The following RABL3 variants were observed in gnomAD, a reference collection of about 807,000 sequenced individuals.
RABL3 encodes the protein RAB, member of RAS oncogene family like 3.
A neutral mutation model predicts 31.8 loss-of-function variants in RABL3; 31 were observed. That is an observed-to-expected ratio of 0.97 (90% CI 0.73 to 1.31). RABL3 has a LOEUF of 1.31. RABL3 is among the 40% of genes most tolerant of loss of function. The pLI, the probability that RABL3 is intolerant of heterozygous loss-of-function variation, is 0.00. For synonymous variants in RABL3, 97 were observed against 99.9 expected (o/e 0.97, Z 0.18); for missense variants, 263 against 279.6 (o/e 0.94, Z 0.42).
chr3:120,736,566 C>G (rs959385881), intron 1 of RABL3, among the ~76,000 whole-genome samples: 6 of 152,264 alleles, frequency 3.9e-5, no homozygotes, highest in Admixed American at 2.6e-4. Context: ...TGAATTTGAT[C>G]CTGTCATCAT....
At chr3:120,742,675 T>G (rs114707519), upstream of RABL3, 4 of 669,656 alleles carry the variant, frequency 6.0e-6, no homozygotes, top group East Asian at 2.8e-5. Context: ...AGCGGGGTGC[T>G]TCCCCAGCTG....
chr3:120,691,999 A>G (rs1364401123), intron 6 of RABL3, among the ~76,000 whole-genome samples: 1 of 152,192 alleles, frequency 6.6e-6, no homozygotes, highest in Non-Finnish European at 1.5e-5. Context: ...GCAAAGTTGC[A>G]TTCACTTACC....
Position 120,698,420 on chromosome 3 carries a change from T to C in RABL3, c.534+3A>G. 4 of 1,611,932 alleles carry C rather than the reference T, an allele frequency of 2.5e-6. No individual in the cohort carries two copies. The highest frequency in any genetic ancestry group is 3.4e-6 in the Non-Finnish European group (4 of 1,179,072). ...ACAAGCATGCATTAGTGAAAATACATACCAAATTAATTTCTTCTGGATTGA... is the reference window on the plus strand; with the variant it reads ...ACAAGCATGCATTAGTGAAAATACACACCAAATTAATTTCTTCTGGATTGA... On this transcript the variant is annotated splice_donor_region_variant and intron_variant, in intron 5 of 7. Transcript: ENST00000273375.
intron 4 of RABL3, among the ~76,000 whole-genome samples, chr3:120,700,762 A>G (rs1419067435): frequency 2.0e-5 from 3 of 152,090 alleles, no homozygotes; most frequent in Non-Finnish European, 4.4e-5. Context: ...GAAGATAGAA[A>G]GTGGGTAGAG....
intron 2 of RABL3, among the ~76,000 whole-genome samples, chr3:120,712,286 G>A (rs1422872994): frequency 6.6e-6 from 1 of 152,006 alleles, no homozygotes; most frequent in Non-Finnish European, 1.5e-5. Flanking sequence ...AGCAGTTGAG[G>A]ACCATTTGGG....
rs530289907 is a variant in RABL3, at chr3:120,694,687, T to C, written c.535-463A>G. 3.0e-4 allele frequency among the ~76,000 whole-genome samples: 45 copies of C among 152,182 alleles called. 2 individuals carry two copies. In the South Asian group the frequency reaches 8.7e-3, roughly 29 times the overall value. ...CGGAGAAAGCAAGAAAATAAGGATT[T>C]AGAGGTGCAAAGAACAAACAGAACA... On this transcript the variant is annotated intron_variant, in intron 5 of 7. Transcript: ENST00000273375.
At chr3:120,714,073 G>C (rs532904077) in intron 2 of RABL3, among the ~76,000 whole-genome samples, 2 of 152,270 alleles carry the variant, frequency 1.3e-5, no homozygotes, top group East Asian at 3.9e-4. Context: ...GCCTCCCAAA[G>C]TGCTGGGATT....
In RABL3 at chr3:120,705,908, T is replaced by G. The variant is rs1210439573; in HGVS notation, c.383+92A>C. 5 of 798,712 alleles carry G rather than the reference T, an allele frequency of 6.3e-6. No individual in the cohort carries two copies. The East Asian group carries it at 1.2e-4, about 20-fold the overall frequency. 49.5% of individuals were successfully genotyped at this position (798,712 alleles called of 1,614,324 possible). A position where few individuals can be genotyped will look rare whatever the true frequency, so the allele number is the denominator to read the frequency against. On this transcript the variant is annotated intron_variant, in intron 4 of 7. Transcript: ENST00000273375. ...TAATCTATACACTGAAAGAAAAATC[T>G]TTGCAAATCAAACATTTTACAAAGT... is the stretch of plus-strand genomic sequence containing the variant.
intron 1 of RABL3, among the ~76,000 whole-genome samples, chr3:120,733,258 A>G (rs1708909740): frequency 6.6e-6 from 1 of 152,196 alleles, no homozygotes; most frequent in Non-Finnish European, 1.5e-5. Context: ...CGCCATTCTA[A>G]CTGGAGTGAA....
chr3:120,729,042 A>T (rs1411150647), intron 2 of RABL3, among the ~76,000 whole-genome samples: 1 of 152,134 alleles, frequency 6.6e-6, no homozygotes, highest in Non-Finnish European at 1.5e-5. Context: ...TGAAGACTAG[A>T]CTATAGATGC....
chr3:120,739,495 T>C (rs1467431981), intron 1 of RABL3, among the ~76,000 whole-genome samples: 2 of 152,196 alleles, frequency 1.3e-5, no homozygotes, highest in Non-Finnish European at 2.9e-5. Context: ...TTTCCTCTCA[T>C]AAATTCTCTG....
intron 2 of RABL3, among the ~76,000 whole-genome samples, chr3:120,723,574 G>A (rs928284042): frequency 6.6e-6 from 1 of 152,156 alleles, no homozygotes; most frequent in African/African-American, 2.4e-5. Flanking sequence ...ACCGAATCCA[G>A]CAGCACATCA....
intron 2 of RABL3, among the ~76,000 whole-genome samples, chr3:120,710,112 T>C (rs184308468): frequency 9.2e-5 from 14 of 152,180 alleles, no homozygotes; most frequent in Admixed American, 7.2e-4. Context: ...CTTTCACAGC[T>C]CTCTGTTCCA....
At chr3:120,690,534 A>C (rs1309729509) in intron 6 of RABL3, 47 bp from the exon 7 acceptor site, 1 of 1,447,974 alleles carries the variant, frequency 6.9e-7, no homozygotes, top group Non-Finnish European at 9.6e-7. Context: ...TACCTGCAAA[A>C]AGTGGCTAAC....
chr3:120,727,059 T>C lies in RABL3; in HGVS notation c.138+3637A>G, dbSNP rs1708830386. On this transcript the variant is annotated intron_variant, in intron 2 of 7. Coordinates refer to ENST00000273375, the MANE Select transcript of RABL3 (RefSeq NM_173825.5). ...TGCTTAGATAGAAATTTTAGAGTCTTAGAGCTCTAAAAAAAAGTCTGAAAA... is the reference window on the plus strand; with the variant it reads ...TGCTTAGATAGAAATTTTAGAGTCTCAGAGCTCTAAAAAAAAGTCTGAAAA... Among the ~76,000 whole-genome samples the C allele has an allele frequency of 3.3e-5, 5 of 152,170 alleles. No homozygotes were observed. The South Asian group carries it at 8.3e-4, about 25-fold the overall frequency.
In RABL3 at chr3:120,692,636, G is replaced by A. The variant is rs376371557; in HGVS notation, c.606+1517C>T. Among the ~76,000 whole-genome samples, 122 of 152,214 alleles carry A rather than the reference G, an allele frequency of 8.0e-4. 1 individual carries two copies. The highest frequency in any genetic ancestry group is 2.8e-3 in the African/African-American group (118 of 41,538). On this transcript the variant is annotated intron_variant, in intron 6 of 7. Coordinates refer to ENST00000273375, the MANE Select transcript of RABL3 (RefSeq NM_173825.5). ...CAACCTCCTAACCCACATACATTTT[G>A]TTGTGATTCAGGCAATAAAAGAGAA...
intron 2 of RABL3, among the ~76,000 whole-genome samples, chr3:120,726,402 A>G (rs1708821573): frequency 6.6e-6 from 1 of 152,120 alleles, no homozygotes; most frequent in East Asian, 1.9e-4. Flanking sequence ...AGGTTGCAGG[A>G]TTGCTTGAGC....
chr3:120,697,436 A>G (rs1191102217), intron 5 of RABL3, among the ~76,000 whole-genome samples: 2 of 152,228 alleles, frequency 1.3e-5, no homozygotes, highest in Non-Finnish European at 2.9e-5. Context: ...GTAAGTGCTC[A>G]ATAAATGTTG....
At chr3:120,738,797 T>C (rs1709003945) in intron 1 of RABL3, 1 of 152,214 alleles carries the variant, frequency 6.6e-6, no homozygotes, top group Non-Finnish European at 1.5e-5. Context: ...TTAATCATTC[T>C]TCCATTATTA....
Sources: gnomAD v4.1 joint callset for allele counts (sites outside exome capture counted in the v4.1 genomes callset) on GRCh38, gnomAD v4.1.1 for gene constraint, MANE v1.5 for transcripts, NCBI Gene and HGNC (gene_info 2026-07-23, HGNC 2026-07-21) for gene names.